Variants in DCAF6 observed in about 807,000 individuals in gnomAD.
The protein encoded by DCAF6 is DDB1 and CUL4 associated factor 6.
A neutral mutation model predicts 125.1 loss-of-function variants in DCAF6; 54 were observed. The observed-to-expected ratio is 0.43, with a 90% CI of 0.35 to 0.54. DCAF6 has a LOEUF of 0.54. Ranked by LOEUF, DCAF6 falls within the 20% of genes least tolerant of loss-of-function variation. The pLI is 0.01. For missense variants in DCAF6, 934 were observed against 1,161.7 expected, an observed-to-expected ratio of 0.80 and a Z score of 2.85; for synonymous variants, 371 against 390.4, an observed-to-expected ratio of 0.95 and a Z score of 0.58.
At chr1:167,902,246 C>T in the DCAF6 span, among the ~76,000 whole-genome samples, 324 of 152,202 alleles carry the variant, frequency 2.1e-3, 2 homozygotes, top group African/African-American at 7.2e-3. Context: ...AGAATGAGTA[C>T]GTGGAACCAG....
At chr1:168,012,041 C>T (rs1163268694) in intron 10 of DCAF6, among the ~76,000 whole-genome samples, 2 of 151,868 alleles carry the variant, frequency 1.3e-5, no homozygotes, top group Admixed American at 6.6e-5. Context: ...TTGGGGAAAC[C>T]AAAGAAGAGA....
At chr1:167,877,467 C>T in the DCAF6 span, among the ~76,000 whole-genome samples, 1 of 151,784 alleles carries the variant, frequency 6.6e-6, no homozygotes, top group Non-Finnish European at 1.5e-5. Context: ...TTGAAGACCT[C>T]GATTCCAGCT....
At chr1:168,013,959 A>G (rs902051335) in intron 10 of DCAF6, among the ~76,000 whole-genome samples, 6 of 152,146 alleles carry the variant, frequency 3.9e-5, no homozygotes, top group South Asian at 2.1e-4. Context: ...GCTGGTTTCA[A>G]ACTCCTGAGC....
chr1:168,022,990 T>A lies in DCAF6; in HGVS notation c.1552T>A (p.Ser518Thr). 1 of 1,614,098 alleles carries A rather than the reference T, an allele frequency of 6.2e-7. No individual in the cohort carries two copies. The highest frequency in any genetic ancestry group is 8.5e-7 in the Non-Finnish European group (1 of 1,179,990). Reference sequence around the variant, plus strand: ...TTGAAATCTCATTTTTGTTTCAGATTCTCCTTCTTCTGTGGTTAACAAACA... The same window carrying A: ...TTGAAATCTCATTTTTGTTTCAGATACTCCTTCTTCTGTGGTTAACAAACA... Reference protein sequence around the residue: ...GSSQDPHASDSPSSVVNKQLG... With the variant: ...GSSQDPHASDTPSSVVNKQLG... The change falls in exon 12 of 22, where the codon TCT becomes ACT. Residue 518 changes from serine to threonine, a missense_variant and splice_region_variant. Transcript: ENST00000367840.
chr1:168,026,608 G>A (rs1301320388), intron 12 of DCAF6, among the ~76,000 whole-genome samples: 2 of 152,116 alleles, frequency 1.3e-5, no homozygotes, highest in African/African-American at 2.4e-5. Context: ...ATGAATGAGA[G>A]TATGATAACC....
the DCAF6 span, among the ~76,000 whole-genome samples, chr1:167,863,884 A>G: frequency 6.6e-6 from 1 of 152,212 alleles, no homozygotes; most frequent in Non-Finnish European, 1.5e-5. Context: ...GAGTGGAAGC[A>G]TGGCCTGATC....
chr1:167,949,291 G>A (rs532474183), intron 1 of DCAF6, among the ~76,000 whole-genome samples: 7 of 152,238 alleles, frequency 4.6e-5, no homozygotes, highest in Admixed American at 3.9e-4. Flanking sequence ...GAACATCTTC[G>A]GAGCAGAGGC....
chr1:167,918,364 A>G, the DCAF6 span: 9 of 1,510,866 alleles, frequency 6.0e-6, no homozygotes, highest in Middle Eastern at 1.7e-4. Flanking sequence ...TTATATCTAT[A>G]AAGAAAACAG....
chr1:168,062,657 C>G (rs1691744733), intron 17 of DCAF6, among the ~76,000 whole-genome samples: 1 of 151,684 alleles, frequency 6.6e-6, no homozygotes, highest in Non-Finnish European at 1.5e-5. Flanking sequence ...GACGTCTGGT[C>G]TGTTATATGT....
At chr1:167,977,556 G>T (rs961697093) in intron 4 of DCAF6, among the ~76,000 whole-genome samples, 4 of 151,988 alleles carry the variant, frequency 2.6e-5, no homozygotes, top group African/African-American at 9.7e-5. Flanking sequence ...TGTCAGAACA[G>T]TGTGTCTTGA....
the DCAF6 span, among the ~76,000 whole-genome samples, chr1:167,925,470 T>TATAC: frequency 4.5e-4 from 48 of 107,772 alleles, no homozygotes; most frequent in East Asian, 0.012. Context: ...TATATATATA[T>TATAC]ATATACATAT....
At chr1:167,880,642 T>G in the DCAF6 span, 13 of 1,510,188 alleles carry the variant, frequency 8.6e-6, no homozygotes, top group Non-Finnish European at 1.2e-5. Context: ...CCACAGCTGA[T>G]GGACAGTGTG....
At chr1:168,018,116 G>A (rs571990204) in intron 11 of DCAF6, among the ~76,000 whole-genome samples, 1 of 152,156 alleles carries the variant, frequency 6.6e-6, no homozygotes, top group African/African-American at 2.4e-5. Flanking sequence ...CCTAATTCCT[G>A]TAGGAAAGTT....
At chr1:167,941,247 G>A (rs1401888074) in intron 1 of DCAF6, among the ~76,000 whole-genome samples, 3 of 152,080 alleles carry the variant, frequency 2.0e-5, no homozygotes, top group South Asian at 2.1e-4. Flanking sequence ...TGTGACAAAC[G>A]TAAGATATAC....
intron 1 of DCAF6, among the ~76,000 whole-genome samples, chr1:167,939,088 G>A (rs1372002940): frequency 1.3e-5 from 2 of 151,964 alleles, no homozygotes; most frequent in Non-Finnish European, 2.9e-5. Context: ...TGAAAGTATC[G>A]AAACTTGAAA....
chr1:167,972,129 T>G (rs1404061844), intron 3 of DCAF6, among the ~76,000 whole-genome samples: 1 of 152,246 alleles, frequency 6.6e-6, no homozygotes, highest in African/African-American at 2.4e-5. Context: ...GTGCTGAGAT[T>G]ACAAGGCATG....
chr1:168,066,131 C>T (rs1447504005), intron 19 of DCAF6, among the ~76,000 whole-genome samples: 2 of 152,150 alleles, frequency 1.3e-5, no homozygotes, highest in Non-Finnish European at 1.5e-5. Flanking sequence ...CCACATATCT[C>T]ATAAAAGAAC....
the DCAF6 span, chr1:167,870,528 C>A: frequency 1.1e-6 from 1 of 897,820 alleles, no homozygotes; most frequent in Non-Finnish European, 1.7e-6. Context: ...CGCTGTGGCT[C>A]ACTCCTGTAA....
At chr1:168,042,087 A>T (rs1239398485) in intron 13 of DCAF6, among the ~76,000 whole-genome samples, 3 of 151,868 alleles carry the variant, frequency 2.0e-5, no homozygotes, top group Non-Finnish European at 2.9e-5. Flanking sequence ...TCTTTTTTTT[A>T]AAAAGTCAAT....
Sources: allele counts gnomAD v4.1 joint callset (sites outside exome capture counted in the v4.1 genomes callset), GRCh38; gene constraint gnomAD v4.1.1; transcripts MANE v1.5; gene names NCBI Gene and HGNC (gene_info 2026-07-23, HGNC 2026-07-21).